RGPD3: variants seen among roughly 807,000 people sequenced by gnomAD.
RGPD3 encodes the protein RANBP2 like and GRIP domain containing 3, also known as ranBP2-like and GRIP domain-containing protein 3.
In RGPD3, 62 loss-of-function variants were observed where a neutral mutation model predicts 154.5. That is an observed-to-expected ratio of 0.40 (90% confidence interval 0.33 to 0.50). RGPD3 has a LOEUF of 0.50. RGPD3 is among the 20% of genes least tolerant of loss of function. The pLI is 0.59. For missense variants in RGPD3, 919 were observed against 1,716.8 expected (o/e 0.54, Z 8.21); for synonymous variants, 308 against 607.0 (o/e 0.51, Z 7.24).
chr2:106,466,085 C>G (rs942210021), intron 1 of RGPD3, among the ~76,000 whole-genome samples: 7 of 151,806 alleles, frequency 4.6e-5, no homozygotes, highest in South Asian at 2.1e-4. Context: ...CCCAAGCCCC[C>G]GAGAACTAGG....
chr2:106,438,116 C>T (rs1339772219), intron 9 of RGPD3, among the ~76,000 whole-genome samples: 10 of 151,222 alleles, frequency 6.6e-5, no homozygotes, highest in Middle Eastern at 3.4e-3. Flanking sequence ...TTAGTAGAGA[C>T]GGGGTTTCAC....
intron 1 of RGPD3, among the ~76,000 whole-genome samples, chr2:106,466,453 C>A (rs1397097581): frequency 8.5e-5 from 10 of 117,006 alleles, no homozygotes; most frequent in African/African-American, 3.2e-4. Context: ...TCGAGGCCGC[C>A]GCTGGGCCGG....
intron 1 of RGPD3, among the ~76,000 whole-genome samples, chr2:106,462,147 C>T (rs1464349962): frequency 2.0e-5 from 3 of 152,180 alleles, no homozygotes; most frequent in South Asian, 2.1e-4. Flanking sequence ...TCCCAAGGTG[C>T]TGGGATTACA....
At chr2:106,468,062 CAGGGCCAGGT>C in intron 1 of RGPD3, among the ~76,000 whole-genome samples, 145 bp downstream of exon 1, 1 of 148,790 alleles carries the variant, frequency 6.7e-6, no homozygotes, top group South Asian at 2.1e-4. Context: ...GAGGCCGCCG[CAGGGCCAGGT>C]CGAGGCCGCC....
intron 18 of RGPD3, among the ~76,000 whole-genome samples, chr2:106,426,959 G>T (rs371531385): frequency 0.012 from 1,867 of 150,014 alleles, no homozygotes; most frequent in Middle Eastern, 0.049. Context: ...ACTATGGGGA[G>T]GAAGCAGGCA....
intron 12 of RGPD3, among the ~76,000 whole-genome samples, chr2:106,435,493 G>GTT (rs1157526607): frequency 7.1e-6 from 1 of 141,310 alleles, no homozygotes; most frequent in African/African-American, 2.7e-5. Context: ...TTTTAGTAGA[G>GTT]TTTTTTTTGT....
chr2:106,422,811 C>G (rs1677037380), intron 20 of RGPD3, among the ~76,000 whole-genome samples: 1 of 151,448 alleles, frequency 6.6e-6, no homozygotes, highest in South Asian at 2.1e-4. Flanking sequence ...TTTGCTCTGC[C>G]CTAGCATGAT....
intron 22 of RGPD3, among the ~76,000 whole-genome samples, chr2:106,408,694 A>T (rs1676581153): frequency 6.6e-6 from 1 of 151,388 alleles, no homozygotes; most frequent in African/African-American, 2.4e-5. Context: ...TTTTTTAAAG[A>T]TGGGGTTTTA....
intron 22 of RGPD3, among the ~76,000 whole-genome samples, chr2:106,410,773 T>C (rs914416291): frequency 1.3e-5 from 2 of 152,014 alleles, no homozygotes; most frequent in African/African-American, 4.8e-5. Context: ...TTTACTTTTG[T>C]TAGAATAAAT....
chr2:106,463,289 G>A (rs1380869523), intron 1 of RGPD3, among the ~76,000 whole-genome samples: 1 of 151,970 alleles, frequency 6.6e-6, no homozygotes, highest in Admixed American at 6.6e-5. Context: ...AGCCTGACCA[G>A]TATGGTGAAA....
chr2:106,465,610 G>C (rs1678548289), intron 1 of RGPD3, among the ~76,000 whole-genome samples: 1 of 150,088 alleles, frequency 6.7e-6, no homozygotes, highest in Non-Finnish European at 1.5e-5. Flanking sequence ...GCTGAGCAGA[G>C]TGGCTCACAC....
rs759535434 is a variant in RGPD3 at position 106,424,101 on chromosome 2, G to T, written c.3866C>A (p.Thr1289Lys). The T allele has an allele frequency of 6.3e-7, 1 of 1,598,652 alleles. No homozygotes were observed. Among genetic ancestry groups the T allele is most frequent in the South Asian group, 1.1e-5 (1 of 90,302 alleles). Residue 1289 changes from threonine (T) to lysine (K), a missense_variant, in exon 20 of 23, where the codon ACA becomes AAA. Thr to Lys is a moderately conservative substitution (Grantham distance 78). Coordinates refer to ENST00000409886, the MANE Select transcript of RGPD3 (RefSeq NM_001144013.2). ...TTTAAAACTGAAGTTAGATCCTGTTGTTGACTCATCAAAGTGGAAAAGATT... is the reference window on the plus strand; with the variant it reads ...TTTAAAACTGAAGTTAGATCCTGTTTTTGACTCATCAAAGTGGAAAAGATT... ...RKNLFHFDES[T>K]TGSNFSFKSA...
At chr2:106,411,830 A>T (rs1676680502) in intron 22 of RGPD3, among the ~76,000 whole-genome samples, 1 of 152,178 alleles carries the variant, frequency 6.6e-6, no homozygotes, top group Admixed American at 6.6e-5. Flanking sequence ...ACAAACAAAA[A>T]CACAACAACA....
intron 7 of RGPD3, among the ~76,000 whole-genome samples, chr2:106,441,863 C>CAAAAAAAAA (rs1166971652): frequency 1.2e-3 from 17 of 13,638 alleles, no homozygotes; most frequent in African/African-American, 3.9e-3. Context: ...GACTCCATCG[C>CAAAAAAAAA]AAAAAAAAAA....
intron 7 of RGPD3, among the ~76,000 whole-genome samples, chr2:106,442,357 A>G: frequency 9.8e-6 from 1 of 102,280 alleles, no homozygotes; most frequent in Admixed American, 1.1e-4. Flanking sequence ...ATGACACCCT[A>G]CTTTAAAAAG....
At chr2:106,438,468 A>G (rs1321348208) in intron 9 of RGPD3, among the ~76,000 whole-genome samples, 3 of 148,680 alleles carry the variant, frequency 2.0e-5, no homozygotes, top group African/African-American at 4.9e-5. Flanking sequence ...AGCCCAGGTG[A>G]CACAGCGAGA....
At chr2:106,431,554 G>A (rs1311703799) in intron 17 of RGPD3, among the ~76,000 whole-genome samples, 2 of 152,234 alleles carry the variant, frequency 1.3e-5, no homozygotes, top group Non-Finnish European at 2.9e-5. Context: ...ATACAATGTT[G>A]GGAGCCTGAA....
chr2:106,411,916 T>C (rs1202516636), intron 22 of RGPD3, among the ~76,000 whole-genome samples: 1 of 151,742 alleles, frequency 6.6e-6, no homozygotes, highest in Non-Finnish European at 1.5e-5. Context: ...ACATTCACAA[T>C]AACACAGGCA....
At chr2:106,446,568 TC>T (rs1357175965) in intron 7 of RGPD3, among the ~76,000 whole-genome samples, 1 of 19,410 alleles carries the variant, frequency 5.2e-5, no homozygotes, top group African/African-American at 2.6e-4. Flanking sequence ...AGACTCCATC[TC>T]AAAAAAAAAA....
Sources: gnomAD v4.1 joint callset for allele counts (sites outside exome capture counted in the v4.1 genomes callset) on GRCh38, gnomAD v4.1.1 for gene constraint, MANE v1.5 for transcripts, NCBI Gene and HGNC (gene_info 2026-07-23, HGNC 2026-07-21) for gene names.